Variants in ZNF761 observed in about 807,000 individuals in gnomAD.
The protein encoded by ZNF761 is zinc finger protein 761.
In ZNF761, 43 loss-of-function variants were observed where a neutral mutation model predicts 59.9. That is an observed-to-expected ratio of 0.72 (90% CI 0.56 to 0.92). ZNF761 has a LOEUF of 0.92. ZNF761 is among the 40% of genes least tolerant of loss of function. The probability of loss-of-function intolerance (pLI) is 0.00; values close to 1 mark genes in which losing one functional copy is unlikely to be tolerated. For missense variants in ZNF761, 850 were observed against 906.1 expected (o/e 0.94, Z 0.79); for synonymous variants, 294 against 304.8 (o/e 0.96, Z 0.37).
At chr19:53,436,912 C>T (rs2708804) in intron 1 of ZNF761, among the ~76,000 whole-genome samples, 2 of 152,062 alleles carry the variant, frequency 1.3e-5, no homozygotes, top group Admixed American at 1.3e-4. Context: ...ACGGCTCCTA[C>T]TTCTTGAATT....
intron 4 of ZNF761, 124 bp downstream of exon 4, chr19:53,449,762 C>T (rs1160919787): frequency 3.3e-6 from 5 of 1,523,892 alleles, no homozygotes; most frequent in Admixed American, 2.0e-5. Context: ...GATCATGGCT[C>T]ACTGCAGTCT....
At chr19:53,432,740 A>C (rs1178883756) in intron 1 of ZNF761, among the ~76,000 whole-genome samples, 1 of 152,216 alleles carries the variant, frequency 6.6e-6, no homozygotes, top group Non-Finnish European at 1.5e-5. Context: ...CCTATAACAG[A>C]TGGCAAAGTA....
At chr19:53,434,786 G>T (rs2147119460) in intron 1 of ZNF761, among the ~76,000 whole-genome samples, 1 of 152,208 alleles carries the variant, frequency 6.6e-6, no homozygotes, top group South Asian at 2.1e-4. Context: ...TAAGGCCATT[G>T]GTCTACTATG....
In ZNF761 at chr19:53,435,837, C is replaced by T. The variant is rs142802236; in HGVS notation, c.-185+3809C>T. On this transcript the variant is annotated intron_variant, in intron 1 of 4. Coordinates refer to ENST00000684525, the MANE Select transcript of ZNF761 (RefSeq NM_001289951.2). The stretch of plus-strand genomic sequence containing the variant: ...GCCTGGCAGAGGAGGTTGAGCACAA[C>T]GACAGAACAATAATAAAACAGTTAG... 6.9e-3 allele frequency among the ~76,000 whole-genome samples: 1,048 copies of T among 152,084 alleles called. 11 individuals carry two copies. The highest frequency in any genetic ancestry group is 0.024 in the African/African-American group (997 of 41,452).
chr19:53,433,253 T>G (rs1254972197), intron 1 of ZNF761, among the ~76,000 whole-genome samples: 12 of 152,120 alleles, frequency 7.9e-5, no homozygotes. Context: ...AGAAGCAGAA[T>G]AAAAGCAGTT....
intron 3 of ZNF761, 108 bp from the exon 4 acceptor site, chr19:53,449,404 G>C (rs1295083859): frequency 6.2e-7 from 1 of 1,605,710 alleles, no homozygotes; most frequent in African/African-American, 1.4e-5. Context: ...AGATTTGTTA[G>C]AACATTCACT....
chr19:53,452,960 A>G (rs2086234039), intron 4 of ZNF761, among the ~76,000 whole-genome samples: 1 of 152,142 alleles, frequency 6.6e-6, no homozygotes, highest in South Asian at 2.1e-4. Flanking sequence ...TGATTTATAA[A>G]ATGTTTTCTC....
chr19:53,452,828 C>T (rs2147141116), intron 4 of ZNF761, among the ~76,000 whole-genome samples: 1 of 152,370 alleles, frequency 6.6e-6, no homozygotes, highest in South Asian at 2.1e-4. Flanking sequence ...CAAATTGTCT[C>T]AAAGGCCCCA....
At chr19:53,452,530 A>G (rs575916009) in intron 4 of ZNF761, among the ~76,000 whole-genome samples, 3 of 152,150 alleles carry the variant, frequency 2.0e-5, no homozygotes, top group East Asian at 1.9e-4. Context: ...CTACACTCCA[A>G]TGTGGGTGAC....
intron 1 of ZNF761, among the ~76,000 whole-genome samples, chr19:53,434,363 A>G (rs2086012660): frequency 6.6e-6 from 1 of 152,150 alleles, no homozygotes; most frequent in Non-Finnish European, 1.5e-5. Flanking sequence ...AAGAAGAAAG[A>G]TGGTCTAATT....
Position 53,455,635 on chromosome 19 carries a change from T to C in ZNF761, c.1128T>C (p.His376=), listed in dbSNP as rs781207244. Residue 376 remains histidine, a synonymous_variant, in exon 5 of 5, where the codon CAT becomes CAC. Transcript: ENST00000684525. ...KSSLTCHHRL[H]TGEKPYKCNE... ...CCCTTACATGCCATCATAGACTTCA[T>C]ACTGGAGAGAAACCCTACAAATGTA... The C allele has an allele frequency of 1.2e-6, 2 of 1,612,800 alleles. No homozygotes were observed. Among genetic ancestry groups the C allele is most frequent in the South Asian group, 2.2e-5 (2 of 91,008 alleles).
intron 4 of ZNF761, among the ~76,000 whole-genome samples, chr19:53,452,739 C>T (rs1190612669): frequency 6.6e-6 from 1 of 152,182 alleles, no homozygotes; most frequent in Non-Finnish European, 1.5e-5. Flanking sequence ...ATGGTGGAAA[C>T]AGGAACAGGC....
At chr19:53,454,579 G>A (rs940081469) in intron 4 of ZNF761, 71 bp from the exon 5 acceptor site, 144 of 1,437,454 alleles carry the variant, frequency 1.0e-4, no homozygotes, top group Middle Eastern at 3.7e-4. Flanking sequence ...TTTTTGTGTC[G>A]TATTTACACA....
In ZNF761 at chr19:53,456,517, C is replaced by T. The variant is rs2086273424; in HGVS notation, c.2010C>T (p.Thr670=). 3 of 1,611,760 alleles carry T rather than the reference C, an allele frequency of 1.9e-6. 1 individual carries two copies. In the Admixed American group the frequency reaches 5.0e-5, roughly 27 times the overall value. Residue 670 remains threonine (T), a synonymous_variant, in exon 5 of 5, where the codon ACC becomes ACT. Transcript: ENST00000684525. ...KPYKCNECGK[T]FSRKSYFICH... ...ACAAGTGTAATGAGTGTGGCAAGAC[C>T]TTTAGTCGGAAGTCATATTTTATAT...
chr19:53,441,038 T>G (rs2086094122), intron 1 of ZNF761, among the ~76,000 whole-genome samples: 1 of 152,142 alleles, frequency 6.6e-6, no homozygotes, highest in Admixed American at 6.5e-5. Context: ...CCACAGCACT[T>G]TGGGAGACAG....
intron 1 of ZNF761, among the ~76,000 whole-genome samples, chr19:53,438,981 T>A (rs2086070748): frequency 6.6e-6 from 1 of 152,114 alleles, no homozygotes; most frequent in Non-Finnish European, 1.5e-5. Context: ...TCTCTAAAGA[T>A]TGTGGGAGAG....
rs561720675 is a variant in ZNF761 at position 53,441,837 on chromosome 19, G to A, written c.-184-4390G>A. 64 of 1,503,228 alleles carry A rather than the reference G, an allele frequency of 4.3e-5. 2 individuals carry two copies. The African/African-American group carries it at 4.8e-4, about 11-fold the overall frequency. The allele number at this position is 1,503,228 out of a possible 1,614,324, so 93.1% of individuals were successfully genotyped here. On this transcript the variant is annotated intron_variant, in intron 1 of 4. Transcript: ENST00000684525. Reference sequence around the variant, plus strand: ...CCGAGTGGAGGAAGGAGGAACCGGAGTGTGAGCAGTAGCTGGGTGGGCAGC... The same window carrying A: ...CCGAGTGGAGGAAGGAGGAACCGGAATGTGAGCAGTAGCTGGGTGGGCAGC...
At chr19:53,440,131 A>T (rs1338678431) in intron 1 of ZNF761, among the ~76,000 whole-genome samples, 1 of 144,952 alleles carries the variant, frequency 6.9e-6, no homozygotes, top group Non-Finnish European at 1.5e-5. Flanking sequence ...AGCCTGGGCA[A>T]CATAGTGAGA....
intron 1 of ZNF761, chr19:53,441,694 G>A (rs1468941295): frequency 1.7e-5 from 9 of 528,284 alleles, no homozygotes; most frequent in South Asian, 7.4e-5. Flanking sequence ...TGATCCACTC[G>A]CCTTGGCCTC....
Sources: allele counts gnomAD v4.1 joint callset (sites outside exome capture counted in the v4.1 genomes callset), GRCh38; gene constraint gnomAD v4.1.1; transcripts MANE v1.5; gene names NCBI Gene and HGNC (gene_info 2026-07-23, HGNC 2026-07-21).